Variants in ZNF892 observed in about 807,000 individuals in gnomAD.
ZNF892 encodes the protein zinc finger protein 892.
At chr2:95,252,200 A>G in the ZNF892 span, among the ~76,000 whole-genome samples, 3 of 151,916 alleles carry the variant, frequency 2.0e-5, no homozygotes, top group Non-Finnish European at 1.5e-5. Context: ...TCATCATTTA[A>G]TATTAGGTAT....
At chr2:95,252,820 A>G in the ZNF892 span, among the ~76,000 whole-genome samples, 1 of 152,132 alleles carries the variant, frequency 6.6e-6, no homozygotes, top group Non-Finnish European at 1.5e-5. Context: ...TTTGATCTGC[A>G]TTTCTCTGAT....
chr2:95,238,614 T>G, the ZNF892 span, among the ~76,000 whole-genome samples: 12 of 152,200 alleles, frequency 7.9e-5, no homozygotes, highest in Non-Finnish European at 1.6e-4. Flanking sequence ...GCTGCCACAG[T>G]AATTCCTCTG....
chr2:95,226,297 A>G, the ZNF892 span, among the ~76,000 whole-genome samples: 1 of 152,118 alleles, frequency 6.6e-6, no homozygotes, highest in African/African-American at 2.4e-5. Flanking sequence ...TCTTACTAGG[A>G]CCTCTAGTAC....
chr2:95,253,513 C>T, the ZNF892 span, among the ~76,000 whole-genome samples: 10 of 152,128 alleles, frequency 6.6e-5, no homozygotes, highest in Non-Finnish European at 8.8e-5. Flanking sequence ...GAAGTCAGGT[C>T]GCGAGATGCC....
the ZNF892 span, among the ~76,000 whole-genome samples, chr2:95,240,761 C>A: frequency 1.3e-5 from 2 of 152,208 alleles, no homozygotes; most frequent in Admixed American, 6.5e-5. Context: ...TGAGACAGGA[C>A]AGAGTTCCCA....
At chr2:95,248,253 A>G in the ZNF892 span, among the ~76,000 whole-genome samples, 3 of 152,220 alleles carry the variant, frequency 2.0e-5, no homozygotes, top group African/African-American at 7.2e-5. Flanking sequence ...CAAATACCAC[A>G]TGTTCTCACT....
At chr2:95,214,732 A>G in the ZNF892 span, 2 of 432,092 alleles carry the variant, frequency 4.6e-6, no homozygotes, top group East Asian at 3.4e-5. Context: ...TTCAGTTACT[A>G]CTCAGCTTTT....
the ZNF892 span, among the ~76,000 whole-genome samples, chr2:95,211,959 G>T: frequency 6.6e-6 from 1 of 152,178 alleles, no homozygotes; most frequent in African/African-American, 2.4e-5. Flanking sequence ...CAAGGATGTG[G>T]AGACAAAGTG....
chr2:95,262,476 G>T, the ZNF892 span, among the ~76,000 whole-genome samples: 5 of 152,216 alleles, frequency 3.3e-5, no homozygotes, highest in Non-Finnish European at 1.5e-5. Flanking sequence ...AATAAGATGT[G>T]AGTTCAAGGT....
chr2:95,228,254 CAT>C, the ZNF892 span, among the ~76,000 whole-genome samples: 213 of 152,294 alleles, frequency 1.4e-3, 1 homozygote, highest in Non-Finnish European at 2.5e-3. Context: ...GAAATCTACA[CAT>C]GTGTGATTTT....
the ZNF892 span, among the ~76,000 whole-genome samples, chr2:95,220,197 G>A: frequency 6.6e-6 from 1 of 152,142 alleles, no homozygotes; most frequent in East Asian, 1.9e-4. Flanking sequence ...GCCTGGTGAG[G>A]GTGGAAGTAT....
the ZNF892 span, among the ~76,000 whole-genome samples, chr2:95,243,459 G>A: frequency 4.0e-5 from 6 of 151,462 alleles, no homozygotes; most frequent in African/African-American, 1.2e-4. Flanking sequence ...ATCTCTGCCC[G>A]GCCGCCCATC....
the ZNF892 span, among the ~76,000 whole-genome samples, chr2:95,218,375 A>G: frequency 6.6e-6 from 1 of 152,340 alleles, no homozygotes; most frequent in Middle Eastern, 3.4e-3. Flanking sequence ...AAACAGTTTC[A>G]TCACTCTCAA....
chr2:95,215,421 C>A, the ZNF892 span: 1 of 439,106 alleles, frequency 2.3e-6, no homozygotes, highest in Non-Finnish European at 4.1e-6. Context: ...TCTTACAAAG[C>A]ATCAGAAAAC....
the ZNF892 span, among the ~76,000 whole-genome samples, chr2:95,227,944 A>G: frequency 2.6e-5 from 4 of 152,176 alleles, no homozygotes; most frequent in Non-Finnish European, 5.9e-5. Context: ...ATTCAACCCA[A>G]ACAATCTAAC....
the ZNF892 span, among the ~76,000 whole-genome samples, chr2:95,225,896 GAC>G: frequency 2.0e-5 from 3 of 152,190 alleles, no homozygotes; most frequent in East Asian, 1.9e-4. Context: ...GCAAAAAGGA[GAC>G]ACAGAAAAAA....
the ZNF892 span, among the ~76,000 whole-genome samples, chr2:95,229,559 A>G: frequency 6.6e-6 from 1 of 152,140 alleles, no homozygotes; most frequent in Non-Finnish European, 1.5e-5. Flanking sequence ...AAGATCCTGT[A>G]GTATATACTC....
the ZNF892 span, chr2:95,207,726 T>C: frequency 2.5e-6 from 1 of 398,116 alleles, no homozygotes. Context: ...ACGCGTGCGT[T>C]CCCGGCCTCT....
the ZNF892 span, chr2:95,207,585 G>C: frequency 5.7e-5 from 22 of 385,604 alleles, no homozygotes; most frequent in East Asian, 5.2e-4. Context: ...TTTGTCGTCG[G>C]GCTCGGCTTC....
Sources: gnomAD v4.1 joint callset for allele counts (sites outside exome capture counted in the v4.1 genomes callset) on GRCh38, gnomAD v4.1.1 for gene constraint, MANE v1.5 for transcripts, NCBI Gene and HGNC (gene_info 2026-07-23, HGNC 2026-07-21) for gene names.